The following ECT2 variants were observed in gnomAD, a reference collection of about 807,000 sequenced individuals.
The protein encoded by ECT2 is epithelial cell transforming 2.
In ECT2, 61 loss-of-function variants were observed where a neutral mutation model predicts 116.9. The observed-to-expected ratio is 0.52, with a 90% CI of 0.42 to 0.65. The LOEUF (loss-of-function observed/expected upper bound fraction) is 0.65. Ranked by LOEUF, ECT2 falls within the 30% of genes least tolerant of loss-of-function variation. The probability of loss-of-function intolerance (pLI) is 0.00; values close to 1 mark genes in which losing one functional copy is unlikely to be tolerated. For synonymous variants in ECT2, 358 were observed against 346.4 expected (o/e 1.03, Z -0.37); for missense variants, 937 against 1,078.7 (o/e 0.87, Z 1.84).
chr3:172,754,936 G>T (rs1466607052), intron 2 of ECT2, among the ~76,000 whole-genome samples: 1 of 151,992 alleles, frequency 6.6e-6, no homozygotes, highest in Non-Finnish European at 1.5e-5. Flanking sequence ...TTAGCTAGAA[G>T]TTATACAGTC....
In ECT2 at chr3:172,813,611, AT is replaced by A. The variant is rs769308226; in HGVS notation, c.2401-1988del. 2.0e-4 allele frequency among the ~76,000 whole-genome samples: 31 copies of A among 152,048 alleles called. 1 individual carries two copies. The highest frequency in any genetic ancestry group is 1.3e-4 in the Admixed American group (2 of 15,246). ...AACATAAAATTTACCAGTTTTAACC[AT>A]TTTTAAGTATATAGTTCATTGGCAT... is the stretch of plus-strand genomic sequence containing the variant. On this transcript the variant is annotated intron_variant, in intron 22 of 24. Coordinates refer to ENST00000392692, the MANE Select transcript of ECT2 (RefSeq NM_001258315.2).
chr3:172,814,279 A>G (rs980917498), intron 22 of ECT2, among the ~76,000 whole-genome samples: 3 of 152,218 alleles, frequency 2.0e-5, no homozygotes, highest in Admixed American at 1.3e-4. Flanking sequence ...AAAGAGGCTT[A>G]ACATTTCATT....
chr3:172,811,867 G>A (rs1728818971), intron 22 of ECT2, among the ~76,000 whole-genome samples: 1 of 152,026 alleles, frequency 6.6e-6, no homozygotes, highest in South Asian at 2.1e-4. Flanking sequence ...ACAGTATACT[G>A]CAGTAAAATA....
intron 20 of ECT2, 114 bp downstream of exon 20, chr3:172,803,094 A>C: frequency 2.0e-6 from 2 of 994,360 alleles, no homozygotes; most frequent in Admixed American, 6.8e-5. Flanking sequence ...AAACTCAAGT[A>C]ATCTTTTTTT....
At chr3:172,828,833 C>T in the ECT2 span, 16 of 874,174 alleles carry the variant, frequency 1.8e-5, no homozygotes, top group South Asian at 1.3e-4. Context: ...GAGCTACTGC[C>T]TGAGAGATGA....
At chr3:172,792,451 CTT>C (rs34510739) in intron 18 of ECT2, among the ~76,000 whole-genome samples, 56 of 143,364 alleles carry the variant, frequency 3.9e-4, no homozygotes, top group African/African-American at 8.4e-4. Context: ...TTTTATCTGG[CTT>C]TTTTTTTTTT....
chr3:172,790,880 T>C (rs778196242), intron 18 of ECT2, among the ~76,000 whole-genome samples: 4 of 152,184 alleles, frequency 2.6e-5, no homozygotes, highest in African/African-American at 4.8e-5. Flanking sequence ...CAGGGCCGGA[T>C]GCAGTGGCTC....
At chr3:172,818,633 C>T (rs966938486) in intron 24 of ECT2, 3 of 1,288,992 alleles carry the variant, frequency 2.3e-6, no homozygotes, top group Non-Finnish European at 3.0e-6. Context: ...GGTGGGCGCT[C>T]TCAGTACTCC....
intron 13 of ECT2, 33 bp from the exon 14 acceptor site, chr3:172,773,870 A>G: frequency 6.3e-7 from 1 of 1,599,294 alleles, no homozygotes; most frequent in Non-Finnish European, 8.5e-7. Context: ...TTTTTCCCAC[A>G]ATCTACTTAA....
Position 172,769,076 on chromosome 3 carries a change from G to A in ECT2, c.1361G>A (p.Trp454Ter), listed in dbSNP as rs752547114. The change falls in exon 13 of 25, where the codon TGG becomes TAG. Residue 454 changes from tryptophan to a stop codon, truncating the protein, a stop_gained. Transcript: ENST00000392692. LOFTEE classifies it high-confidence loss of function. ...GTTCCTTCAAAGCAGTCAGCAAGGT[G>A]GCAAGTTGCAAAAGAGCTTTATCAA... ...TPVPSKQSARWQVAKELYQTE... is the reference protein window; with the variant it reads ...TPVPSKQSAR 8.1e-6 allele frequency: 13 copies of A among 1,613,288 alleles called. No homozygotes were observed. Among genetic ancestry groups the A allele is most frequent in the Non-Finnish European group, 8.5e-7 (1 of 1,179,560 alleles).
At chr3:172,755,829 G>A (rs879616927) in intron 4 of ECT2, among the ~76,000 whole-genome samples, 29 of 152,058 alleles carry the variant, frequency 1.9e-4, no homozygotes, top group Non-Finnish European at 8.8e-5. Context: ...CTCAGCATAC[G>A]AAATAATCTA....
intron 20 of ECT2, among the ~76,000 whole-genome samples, chr3:172,805,245 T>G (rs1727466347): frequency 6.6e-6 from 1 of 152,152 alleles, no homozygotes; most frequent in Non-Finnish European, 1.5e-5. Context: ...TATTTAACTT[T>G]TAAATGTTTT....
At chr3:172,783,613 TG>T (rs1486206898) in intron 15 of ECT2, among the ~76,000 whole-genome samples, 185 bp from the exon 16 acceptor site, 1 of 152,168 alleles carries the variant, frequency 6.6e-6, no homozygotes, top group East Asian at 1.9e-4. Flanking sequence ...TGATGTATTT[TG>T]TTTAGCAATT....
At chr3:172,771,789 TAGTATC>T (rs1720690133) in intron 13 of ECT2, among the ~76,000 whole-genome samples, 1 of 152,316 alleles carries the variant, frequency 6.6e-6, no homozygotes, top group Non-Finnish European at 1.5e-5. Flanking sequence ...CTTTTTAGGA[TAGTATC>T]AGTGTTGATA....
At chr3:172,806,405 G>A (rs1333155891) in intron 21 of ECT2, among the ~76,000 whole-genome samples, 1 of 152,138 alleles carries the variant, frequency 6.6e-6, no homozygotes, top group African/African-American at 2.4e-5. Context: ...GTGTTACAGA[G>A]CAGGTTCTCT....
At position 172,784,822 on chromosome 3, in the gene ECT2, T is replaced by G; in HGVS notation, c.1825+19T>G. On this transcript the variant is annotated intron_variant, in intron 17 of 24. Transcript: ENST00000392692. ...TTAAATGGTACTTGTCTGATCTGTT[T>G]CAAACTACATCAGATATTTTAATGG... 1 of 1,349,222 alleles carries G rather than the reference T, an allele frequency of 7.4e-7. No individual in the cohort carries two copies. Among genetic ancestry groups the G allele is most frequent in the Non-Finnish European group, 1.0e-6 (1 of 964,958 alleles). 83.6% of individuals were successfully genotyped at this position (1,349,222 alleles called of 1,614,324 possible).
chr3:172,784,627 T>A, intron 16 of ECT2, 80 bp from the exon 17 acceptor site: 1 of 959,948 alleles, frequency 1.0e-6, no homozygotes, highest in Non-Finnish European at 1.7e-6. Context: ...ACACTAATGA[T>A]AAGGTGTACT....
rs753774488 is a variant in ECT2 at position 172,754,674 on chromosome 3, C to T, written c.130+14C>T. The T allele has an allele frequency of 1.3e-6, 2 of 1,578,756 alleles. No homozygotes were observed. The highest frequency in any genetic ancestry group is 1.2e-5 in the South Asian group (1 of 86,936). Reference sequence around the variant, plus strand: ...CATATGTAGAAGGTAAACCTGTTACCTGCTTTAAAACAATCAATTTCTATT... The same window carrying T: ...CATATGTAGAAGGTAAACCTGTTACTTGCTTTAAAACAATCAATTTCTATT... On this transcript the variant is annotated intron_variant, in intron 2 of 24. Transcript: ENST00000392692.
At chr3:172,761,521 C>G in intron 7 of ECT2, 89 bp from the exon 8 acceptor site, 1 of 850,484 alleles carries the variant, frequency 1.2e-6, no homozygotes, top group South Asian at 1.6e-5. Flanking sequence ...TGATCTAAAA[C>G]TGCAAAAAAT....
Sources: gnomAD v4.1 joint callset for allele counts (sites outside exome capture counted in the v4.1 genomes callset) on GRCh38, gnomAD v4.1.1 for gene constraint, MANE v1.5 for transcripts, NCBI Gene and HGNC (gene_info 2026-07-23, HGNC 2026-07-21) for gene names.